The following TMTC2 variants were observed in gnomAD, a reference collection of about 807,000 sequenced individuals.
TMTC2 encodes the protein transmembrane O-mannosyltransferase targeting cadherins 2, also known as protein O-mannosyl-transferase TMTC2.
A neutral mutation model predicts 82.4 loss-of-function variants in TMTC2; 43 were observed. The observed-to-expected ratio is 0.52, with a 90% CI of 0.41 to 0.67. The LOEUF (loss-of-function observed/expected upper bound fraction) is 0.67, where lower values mean the gene tolerates loss of function less well. TMTC2 is among the 30% of genes least tolerant of loss of function. The probability of loss-of-function intolerance (pLI) is 0.00; values close to 1 mark genes in which losing one functional copy is unlikely to be tolerated. For synonymous variants in TMTC2, 408 were observed against 381.9 expected, an observed-to-expected ratio of 1.07 and a Z score of -0.80; for missense variants, 919 against 1,012.4, an observed-to-expected ratio of 0.91 and a Z score of 1.25.
intron 1 of TMTC2, among the ~76,000 whole-genome samples, chr12:82,825,727 G>A (rs1476289586): frequency 6.6e-6 from 1 of 152,052 alleles, no homozygotes; most frequent in Non-Finnish European, 1.5e-5. Flanking sequence ...ATACTTTGTC[G>A]AAGATTTAAC....
chr12:82,996,967 G>T (rs566096600), intron 8 of TMTC2, among the ~76,000 whole-genome samples: 1 of 152,066 alleles, frequency 6.6e-6, no homozygotes, highest in African/African-American at 2.4e-5. Context: ...TCTCAAAGAG[G>T]TTACATCAGC....
At chr12:82,692,066 G>A (rs1160860763) in intron 1 of TMTC2, among the ~76,000 whole-genome samples, 1 of 152,106 alleles carries the variant, frequency 6.6e-6, no homozygotes, top group Non-Finnish European at 1.5e-5. Context: ...ATTAAAATTA[G>A]GTGAAGTCAG....
intron 2 of TMTC2, among the ~76,000 whole-genome samples, chr12:82,890,848 G>A (rs1873360489): frequency 6.6e-6 from 1 of 152,120 alleles, no homozygotes; most frequent in Non-Finnish European, 1.5e-5. Flanking sequence ...TTAATGATAA[G>A]TTGAATGAAC....
chr12:82,734,340 G>A (rs1874979392), intron 1 of TMTC2, among the ~76,000 whole-genome samples: 1 of 152,154 alleles, frequency 6.6e-6, no homozygotes, highest in Non-Finnish European at 1.5e-5. Context: ...TTTCCAGGTT[G>A]TTGGCTGAAT....
chr12:83,096,920 C>T (rs530116132), intron 11 of TMTC2, among the ~76,000 whole-genome samples: 1 of 152,280 alleles, frequency 6.6e-6, no homozygotes, highest in East Asian at 1.9e-4. Flanking sequence ...TACACTTTGC[C>T]TTACATTCAT....
intron 11 of TMTC2, among the ~76,000 whole-genome samples, chr12:83,070,264 G>T (rs1883063610): frequency 1.3e-5 from 2 of 152,106 alleles, no homozygotes; most frequent in East Asian, 1.9e-4. Context: ...TTAATTTTTT[G>T]ATTGCTTTTG....
chr12:82,721,598 T>C (rs1310742976), intron 1 of TMTC2, among the ~76,000 whole-genome samples: 1 of 152,160 alleles, frequency 6.6e-6, no homozygotes. Flanking sequence ...CTGAGATAAT[T>C]TCTAAAAATA....
chr12:82,706,595 G>C (rs1873369858), intron 1 of TMTC2, among the ~76,000 whole-genome samples: 3 of 152,136 alleles, frequency 2.0e-5, no homozygotes, highest in Non-Finnish European at 4.4e-5. Context: ...TATATAGGCT[G>C]TATAGGATTA....
At chr12:83,126,823 C>T (rs1055390793) in intron 11 of TMTC2, among the ~76,000 whole-genome samples, 2 of 151,670 alleles carry the variant, frequency 1.3e-5, no homozygotes, top group African/African-American at 4.8e-5. Context: ...TGAAGCTTAA[C>T]AGGTTATCTT....
In TMTC2 at chr12:82,965,666, C is replaced by T. The variant is rs1241811287; in HGVS notation, c.1791C>T (p.Asp597=). ...AGATCCCAGATGAAAACCTAAAGGA[C>T]CCTCATGCACACAAGAGCTCTGTTA... ...CSEIPDENLK[D]PHAHKSSVTS... Residue 597 remains aspartate, a synonymous_variant, in exon 6 of 12, where the codon GAC becomes GAT. Transcript: ENST00000321196. The T allele has an allele frequency of 6.2e-7, 1 of 1,613,784 alleles. No homozygotes were observed.
intron 4 of TMTC2, among the ~76,000 whole-genome samples, chr12:82,940,312 C>T (rs75125024): frequency 0.061 from 9,306 of 151,732 alleles, 956 homozygotes; most frequent in African/African-American, 0.21. Context: ...CCACCGCGCC[C>T]GGCCAGATAC....
rs563141798 is a variant in TMTC2 at position 83,054,325 on chromosome 12, G to A, written c.2267+3307G>A. Among the ~76,000 whole-genome samples the A allele has an allele frequency of 2.2e-4, 33 of 152,184 alleles. No homozygotes were observed. The South Asian group carries it at 3.9e-3, about 18-fold the overall frequency. ...TAGGAACATTATAATGTCGGGAAAA[G>A]ATTACTAAGAGATTAATAGGGTCTC... On this transcript the variant is annotated intron_variant, in intron 10 of 11. Transcript: ENST00000321196.
At chr12:83,116,506 T>G (rs1465639249) in intron 11 of TMTC2, among the ~76,000 whole-genome samples, 1 of 152,232 alleles carries the variant, frequency 6.6e-6, no homozygotes, top group Non-Finnish European at 1.5e-5. Context: ...CTTTAAGGAA[T>G]CTCCACACTG....
chr12:82,876,074 GA>G (rs1565788818), intron 2 of TMTC2, among the ~76,000 whole-genome samples: 1,582 of 116,304 alleles, frequency 0.014, 75 homozygotes, highest in Non-Finnish European at 0.02. Context: ...TGGTGATGAT[GA>G]TGATGGTGAT....
intron 11 of TMTC2, among the ~76,000 whole-genome samples, chr12:83,124,377 A>T (rs1271035141): frequency 6.6e-6 from 1 of 152,154 alleles, no homozygotes; most frequent in African/African-American, 2.4e-5. Context: ...TTTATATGGC[A>T]AAGCTTAGCA....
chr12:82,866,522 G>A, intron 2 of TMTC2, among the ~76,000 whole-genome samples: 1 of 152,132 alleles, frequency 6.6e-6, no homozygotes, highest in South Asian at 2.1e-4. Context: ...AATAAATAAT[G>A]AGTCTCATTG....
At chr12:82,743,120 G>A (rs1186010155) in intron 1 of TMTC2, among the ~76,000 whole-genome samples, 2 of 152,150 alleles carry the variant, frequency 1.3e-5, no homozygotes, top group Non-Finnish European at 2.9e-5. Flanking sequence ...AATAATACCT[G>A]TATCACACAA....
chr12:82,934,971 GTT>G (rs1425955633), intron 4 of TMTC2, among the ~76,000 whole-genome samples: 1 of 151,888 alleles, frequency 6.6e-6, no homozygotes, highest in African/African-American at 2.4e-5. Context: ...ATAAACCAAA[GTT>G]TTGGGAAAAA....
At chr12:83,086,007 C>T (rs943072344) in intron 11 of TMTC2, among the ~76,000 whole-genome samples, 14 of 151,908 alleles carry the variant, frequency 9.2e-5, no homozygotes, top group African/African-American at 3.4e-4. Flanking sequence ...TCACGAATTG[C>T]CTAGGGAACT....
Sources: allele counts gnomAD v4.1 joint callset (sites outside exome capture counted in the v4.1 genomes callset), GRCh38; gene constraint gnomAD v4.1.1; transcripts MANE v1.5; gene names NCBI Gene and HGNC (gene_info 2026-07-23, HGNC 2026-07-21).